NTM: variants seen among roughly 807,000 people sequenced by gnomAD.
NTM encodes the protein neurotrimin, also known as IgLON family member 2.
NTM carries 13 observed loss-of-function variants against 42.1 expected under a neutral mutation model. The ratio of observed to expected loss-of-function variants is 0.31; its 90% CI spans 0.20 to 0.49. The LOEUF (loss-of-function observed/expected upper bound fraction) is 0.49, where lower values mean the gene tolerates loss of function less well. NTM is among the 20% of genes least tolerant of loss of function. The pLI is 0.99. For synonymous variants in NTM, 187 were observed against 179.2 expected, an observed-to-expected ratio of 1.04 and a Z score of -0.35; for missense variants, 373 against 452.8, an observed-to-expected ratio of 0.82 and a Z score of 1.60.
chr11:132,234,897 T>C (rs2088468433), intron 4 of NTM, among the ~76,000 whole-genome samples: 1 of 152,258 alleles, frequency 6.6e-6, no homozygotes, highest in East Asian at 1.9e-4. Context: ...AAACTGAGCC[T>C]TTAGAAATAG....
At chr11:132,138,131 G>A (rs933455028) in intron 2 of NTM, among the ~76,000 whole-genome samples, 4 of 152,120 alleles carry the variant, frequency 2.6e-5, no homozygotes, top group African/African-American at 9.7e-5. Context: ...CACTTACCAA[G>A]ATCCAAATTG....
intron 1 of NTM, among the ~76,000 whole-genome samples, chr11:131,641,030 C>G (rs932437056): frequency 1.8e-4 from 28 of 152,168 alleles, no homozygotes; most frequent in African/African-American, 6.8e-4. Context: ...TTGGTCTACA[C>G]AAGCAACCGC....
At chr11:131,741,605 G>A (rs2081213664) in intron 1 of NTM, among the ~76,000 whole-genome samples, 1 of 152,140 alleles carries the variant, frequency 6.6e-6, no homozygotes, top group African/African-American at 2.4e-5. Flanking sequence ...CAATTTGTTT[G>A]TAAGTGGAAT....
At chr11:131,892,403 G>A (rs1173612575) in intron 1 of NTM, among the ~76,000 whole-genome samples, 3 of 152,308 alleles carry the variant, frequency 2.0e-5, no homozygotes, top group African/African-American at 4.8e-5. Flanking sequence ...AAAGTAATGC[G>A]TGTGAATTAC....
intron 1 of NTM, among the ~76,000 whole-genome samples, chr11:131,451,401 G>A (rs535961674): frequency 1.3e-5 from 2 of 152,344 alleles, no homozygotes; most frequent in East Asian, 3.9e-4. Flanking sequence ...TAATTATGCA[G>A]TGCAGAAAAT....
chr11:131,393,555 A>G (rs1452644394), intron 1 of NTM, among the ~76,000 whole-genome samples: 2 of 152,102 alleles, frequency 1.3e-5, no homozygotes, highest in African/African-American at 4.8e-5. Context: ...CCCTGTGCCC[A>G]TCCTGGGTGC....
At chr11:131,645,257 T>C (rs2065630425) in intron 1 of NTM, among the ~76,000 whole-genome samples, 1 of 152,188 alleles carries the variant, frequency 6.6e-6, no homozygotes, top group East Asian at 1.9e-4. Context: ...GGCCCTGCAC[T>C]TGAAAATCGT....
chr11:131,794,561 T>A, intron 1 of NTM: 1 of 985,234 alleles, frequency 1.0e-6, no homozygotes, highest in Non-Finnish European at 1.2e-6. Flanking sequence ...ATTCACTGAG[T>A]TCTACAAGTG....
At position 131,370,633 on chromosome 11, in the gene NTM, A is replaced by G; in HGVS notation, c.-174A>G. 1.6e-6 allele frequency: 1 copy of G among 609,390 alleles called. No homozygotes were observed. The highest frequency in any genetic ancestry group is 2.9e-6 in the Non-Finnish European group (1 of 346,514). The allele number at this position is 609,390 out of a possible 1,614,324, so 37.7% of individuals were successfully genotyped here. On this transcript the variant is annotated 5_prime_UTR_variant, in exon 1 of 9. Transcript: ENST00000683400. Reference sequence around the variant, plus strand: ...CAGTGCCAGAGTATGAGTGGAGATAATTACGGAGAAGTCATACTCTCTCAC... The same window carrying G: ...CAGTGCCAGAGTATGAGTGGAGATAGTTACGGAGAAGTCATACTCTCTCAC...
intron 2 of NTM, among the ~76,000 whole-genome samples, chr11:131,978,275 T>A (rs1245976079): frequency 6.6e-6 from 1 of 152,190 alleles, no homozygotes; most frequent in African/African-American, 2.4e-5. Context: ...TTAGAGAACT[T>A]ATGAAAGCTA....
chr11:131,928,375 A>G (rs899574835), intron 2 of NTM, among the ~76,000 whole-genome samples: 1 of 152,270 alleles, frequency 6.6e-6, no homozygotes, highest in Non-Finnish European at 1.5e-5. Flanking sequence ...ACATTCCATT[A>G]GCAAAAACAA....
At chr11:131,596,055 C>T (rs544530803) in intron 1 of NTM, among the ~76,000 whole-genome samples, 3 of 152,284 alleles carry the variant, frequency 2.0e-5, no homozygotes, top group African/African-American at 4.8e-5. Flanking sequence ...ACAGTGTGAC[C>T]GGGACAGTGT....
At chr11:132,205,688 C>T in intron 3 of NTM, among the ~76,000 whole-genome samples, 1 of 152,124 alleles carries the variant, frequency 6.6e-6, no homozygotes. Flanking sequence ...AAGCCAATGA[C>T]CTTTTCAAAG....
At chr11:131,955,158 C>A (rs888957361) in intron 2 of NTM, among the ~76,000 whole-genome samples, 1 of 152,158 alleles carries the variant, frequency 6.6e-6, no homozygotes, top group African/African-American at 2.4e-5. Flanking sequence ...CCCTGAGCAC[C>A]TCCACCCTCA....
At position 132,037,750 on chromosome 11, in the gene NTM, T is replaced by G. The variant is rs151313526; in HGVS notation, c.168-108532T>G. On this transcript the variant is annotated intron_variant, in intron 2 of 8. Coordinates refer to ENST00000683400, the MANE Select transcript of NTM (RefSeq NM_001352005.2). ...CTCCAATGAAAACACCTTGCTGATTTAATTAAAATACATTTTTTTCTTCTT... is the reference window on the plus strand; with the variant it reads ...CTCCAATGAAAACACCTTGCTGATTGAATTAAAATACATTTTTTTCTTCTT... Among the ~76,000 whole-genome samples the G allele has an allele frequency of 1.4e-4, 22 of 152,352 alleles. No individual in the cohort carries two copies. The East Asian group carries it at 4.2e-3, about 29-fold the overall frequency.
chr11:131,954,998 G>T (rs146919315), intron 2 of NTM, among the ~76,000 whole-genome samples: 3 of 152,152 alleles, frequency 2.0e-5, no homozygotes, highest in African/African-American at 7.2e-5. Context: ...TTTTGCTGTT[G>T]TAAATACTGT....
At chr11:132,333,844 C>G (rs543428971) in intron 8 of NTM, among the ~76,000 whole-genome samples, 1 of 152,346 alleles carries the variant, frequency 6.6e-6, no homozygotes, top group East Asian at 1.9e-4. Flanking sequence ...GGCACTGCCT[C>G]CTAGCCAGGA....
intron 2 of NTM, among the ~76,000 whole-genome samples, chr11:132,033,461 A>G (rs1371932176): frequency 6.6e-6 from 1 of 152,212 alleles, no homozygotes; most frequent in Non-Finnish European, 1.5e-5. Flanking sequence ...GGGAGGAGAT[A>G]TTGATCCTGT....
chr11:132,042,876 T>C (rs1244195432), intron 2 of NTM, among the ~76,000 whole-genome samples: 1 of 152,218 alleles, frequency 6.6e-6, no homozygotes, highest in Non-Finnish European at 1.5e-5. Flanking sequence ...AAAGACAGTA[T>C]CTCTTGTTCA....
Sources: allele counts gnomAD v4.1 joint callset (sites outside exome capture counted in the v4.1 genomes callset), GRCh38; gene constraint gnomAD v4.1.1; transcripts MANE v1.5; gene names NCBI Gene and HGNC (gene_info 2026-07-23, HGNC 2026-07-21).